The following PTPN14 variants were observed in gnomAD, a reference collection of about 807,000 sequenced individuals.
PTPN14 encodes the protein tyrosine-protein phosphatase non-receptor type 14.
PTPN14 carries 53 observed loss-of-function variants against 126.8 expected under a neutral mutation model. That is an observed-to-expected ratio of 0.42 (90% CI 0.34 to 0.53). The LOEUF (loss-of-function observed/expected upper bound fraction) is 0.53. Ranked by LOEUF, PTPN14 falls within the 20% of genes least tolerant of loss-of-function variation. The probability of loss-of-function intolerance (pLI) is 0.08; values close to 1 mark genes in which losing one functional copy is unlikely to be tolerated. For missense variants in PTPN14, 1,257 were observed against 1,552.9 expected, an observed-to-expected ratio of 0.81 and a Z score of 3.20; for synonymous variants, 630 against 599.3, an observed-to-expected ratio of 1.05 and a Z score of -0.75.
At chr1:214,395,883 G>A (rs1658867070) in intron 8 of PTPN14, among the ~76,000 whole-genome samples, 1 of 151,990 alleles carries the variant, frequency 6.6e-6, no homozygotes, top group South Asian at 2.1e-4. Context: ...TCAGCTCTGG[G>A]AGTCACCTTC....
intron 7 of PTPN14, among the ~76,000 whole-genome samples, chr1:214,398,551 A>T (rs954529217): frequency 6.6e-6 from 1 of 151,286 alleles, no homozygotes; most frequent in African/African-American, 2.4e-5. Flanking sequence ...GGCTCAGACA[A>T]TCCTCCTACC....
intron 1 of PTPN14, chr1:214,533,497 G>A (rs573311479): frequency 1.6e-4 from 78 of 478,184 alleles, no homozygotes; most frequent in African/African-American, 1.5e-3. Context: ...GTACCCTTTG[G>A]GGAGCAGGAG....
intron 1 of PTPN14, among the ~76,000 whole-genome samples, chr1:214,498,184 T>C (rs1173296842): frequency 6.6e-6 from 1 of 152,228 alleles, no homozygotes; most frequent in Non-Finnish European, 1.5e-5. Context: ...TTTCTGTCCC[T>C]AGAGCTAGAT....
intron 13 of PTPN14, among the ~76,000 whole-genome samples, 190 bp from the exon 14 acceptor site, chr1:214,378,292 T>C (rs1320801940): frequency 1.3e-5 from 2 of 152,228 alleles, no homozygotes; most frequent in Admixed American, 1.3e-4. Context: ...ACAGGACTCC[T>C]GAGCTTTTAT....
At chr1:214,474,667 A>G (rs1332478866) in intron 1 of PTPN14, among the ~76,000 whole-genome samples, 1 of 152,206 alleles carries the variant, frequency 6.6e-6, no homozygotes, top group Non-Finnish European at 1.5e-5. Flanking sequence ...ATAACCCGGA[A>G]GCACTTTCCC....
intron 6 of PTPN14, among the ~76,000 whole-genome samples, chr1:214,402,366 G>A (rs1407140656): frequency 6.8e-6 from 1 of 148,098 alleles, no homozygotes. Context: ...CTTGAACCCC[G>A]GAGGTGGAGG....
At chr1:214,480,563 T>C (rs1373579592) in intron 1 of PTPN14, among the ~76,000 whole-genome samples, 1 of 152,192 alleles carries the variant, frequency 6.6e-6, no homozygotes, top group Non-Finnish European at 1.5e-5. Flanking sequence ...ATAGGTGAAC[T>C]GTGAATCTTA....
chr1:214,500,874 GA>G (rs1401674571), intron 1 of PTPN14, among the ~76,000 whole-genome samples: 1 of 152,126 alleles, frequency 6.6e-6, no homozygotes, highest in Non-Finnish European at 1.5e-5. Context: ...AGAAAAGGCA[GA>G]TTAGCTTGGA....
intron 1 of PTPN14, among the ~76,000 whole-genome samples, chr1:214,493,803 A>T (rs1029391082): frequency 6.6e-6 from 1 of 152,242 alleles, no homozygotes; most frequent in Non-Finnish European, 1.5e-5. Context: ...CAGAATGATT[A>T]CACTAGTTAA....
intron 11 of PTPN14, among the ~76,000 whole-genome samples, chr1:214,390,227 TAAAAC>T (rs767298493): frequency 1.3e-5 from 2 of 152,220 alleles, no homozygotes; most frequent in Non-Finnish European, 2.9e-5. Flanking sequence ...AATTGTGAGT[TAAAAC>T]AAGTGGAAAA....
chr1:214,350,257 TATA>T lies in PTPN14; in HGVS notation c.*7662_*7664del, dbSNP rs1432352146. ...GAATGGCCAGTCTGTGTAAAGAGGC[TATA>T]ATGACGAAAGCATTTTCCCTGCAGG... On this transcript the variant is annotated 3_prime_UTR_variant, in exon 19 of 19. Coordinates refer to ENST00000366956, the MANE Select transcript of PTPN14 (RefSeq NM_005401.5). 7 of 152,352 alleles carry T rather than the reference TATA, an allele frequency of 4.6e-5. No individual in the cohort carries two copies. Among genetic ancestry groups the T allele is most frequent in the African/African-American group, 1.4e-4 (6 of 41,584 alleles). The allele number at this position is 152,352 out of a possible 1,614,324, so 9.4% of individuals were successfully genotyped here.
chr1:214,368,237 T>C (rs1658131681), intron 17 of PTPN14, among the ~76,000 whole-genome samples: 1 of 151,064 alleles, frequency 6.6e-6, no homozygotes, highest in Non-Finnish European at 1.5e-5. Context: ...AGATGGAGTT[T>C]TGCTCTTGTT....
chr1:214,443,723 C>T (rs540035188), intron 3 of PTPN14, among the ~76,000 whole-genome samples: 49 of 152,238 alleles, frequency 3.2e-4, no homozygotes, highest in African/African-American at 1.1e-3. Flanking sequence ...ATGGCAACAG[C>T]AGAGCACTAA....
chr1:214,510,619 C>T (rs1210004370), intron 1 of PTPN14, among the ~76,000 whole-genome samples: 2 of 152,206 alleles, frequency 1.3e-5, no homozygotes, highest in Non-Finnish European at 2.9e-5. Context: ...TCTACTTCTC[C>T]TTCACCTGAT....
rs771988073 is a variant in PTPN14, at chr1:214,383,517, C to G, written c.2338G>C (p.Val780Leu). 3.7e-6 allele frequency: 6 copies of G among 1,614,106 alleles called. No individual in the cohort carries two copies. The highest frequency in any genetic ancestry group is 5.1e-6 in the Non-Finnish European group (6 of 1,180,006). ...GCCTTGGCTGGCCCATGCCTCAGCA[C>G]CCTGGCTCTGGCCATGGCGGGAGGA... ...SLPPAMARAR[V>L]LRHGPAKAIS... Residue 780 changes from valine (V) to leucine (L), a missense_variant, in exon 13 of 19, where the codon GTG becomes CTG. Val to Leu is a conservative substitution (Grantham distance 32). Coordinates refer to ENST00000366956, the MANE Select transcript of PTPN14 (RefSeq NM_005401.5). This position sits in a 1 kb window ranked among gnomAD's most constrained non-coding sequence, Gnocchi z 4.4.
chr1:214,408,534 T>C (rs527751245), intron 5 of PTPN14, among the ~76,000 whole-genome samples: 1 of 151,500 alleles, frequency 6.6e-6, no homozygotes, highest in East Asian at 1.9e-4. Context: ...TCTAAAATGT[T>C]TGTGAGCACA....
intron 10 of PTPN14, among the ~76,000 whole-genome samples, chr1:214,391,421 A>G (rs1658749169): frequency 6.6e-6 from 1 of 152,190 alleles, no homozygotes; most frequent in African/African-American, 2.4e-5. Flanking sequence ...GTTTTTAAAA[A>G]AAATGCAAGA....
At chr1:214,373,327 T>C (rs915830334) in intron 15 of PTPN14, among the ~76,000 whole-genome samples, 2 of 152,196 alleles carry the variant, frequency 1.3e-5, no homozygotes, top group African/African-American at 4.8e-5. Flanking sequence ...GTGCTGGGAT[T>C]ACAGGCCTGA....
intron 1 of PTPN14, chr1:214,529,448 CA>C (rs1477310831): frequency 6.6e-6 from 1 of 152,244 alleles, no homozygotes; most frequent in Non-Finnish European, 1.5e-5. Flanking sequence ...TGGTCACACA[CA>C]AGTTGGCTAT....
Sources: gnomAD v4.1 joint callset for allele counts (sites outside exome capture counted in the v4.1 genomes callset) on GRCh38, gnomAD v4.1.1 for gene constraint, Gnocchi (gnomAD v3.1) non-coding constraint, MANE v1.5 for transcripts, NCBI Gene and HGNC (gene_info 2026-07-23, HGNC 2026-07-21) for gene names.